The following PUS7L variants were observed in gnomAD, a reference collection of about 807,000 sequenced individuals.
The protein encoded by PUS7L is pseudouridine synthase 7 like.
In PUS7L, 49 loss-of-function variants were observed where a neutral mutation model predicts 51.1. The ratio of observed to expected loss-of-function variants is 0.96; its 90% CI spans 0.76 to 1.22. The LOEUF is 1.22. Ranked by LOEUF, PUS7L falls within the 50% of genes most tolerant of loss-of-function variation. The pLI, the probability that PUS7L is intolerant of heterozygous loss-of-function variation, is 0.00. For synonymous variants in PUS7L, 277 were observed against 276.2 expected, an observed-to-expected ratio of 1.00 and a Z score of -0.03; for missense variants, 828 against 820.6, an observed-to-expected ratio of 1.01 and a Z score of -0.11.
At position 43,728,277 on chromosome 12, in the gene PUS7L, G is replaced by C. The variant is rs1451041552; in HGVS notation, c.*2099C>G. The C allele has an allele frequency of 6.6e-6, 1 of 152,050 alleles. No individual in the cohort carries two copies. Among genetic ancestry groups the C allele is most frequent in the East Asian group, 1.9e-4 (1 of 5,194 alleles). 9.4% of individuals were successfully genotyped at this position (152,050 alleles called of 1,614,324 possible). Reference sequence around the variant, plus strand: ...ATTTTATGGTGATGAAATAAACTTAGTGTTCCTTTATACACTGCTGAAGTA... The same window carrying C: ...ATTTTATGGTGATGAAATAAACTTACTGTTCCTTTATACACTGCTGAAGTA... On this transcript the variant is annotated 3_prime_UTR_variant, in exon 9 of 9. Coordinates refer to ENST00000344862, the MANE Select transcript of PUS7L (RefSeq NM_031292.5).
chr12:43,748,546 A>C lies in PUS7L; in HGVS notation c.974T>G (p.Leu325Arg). 1 of 1,611,412 alleles carries C rather than the reference A, an allele frequency of 6.2e-7. No individual in the cohort carries two copies. Among genetic ancestry groups the C allele is most frequent in the Non-Finnish European group, 8.5e-7 (1 of 1,179,298 alleles). The change falls in exon 3 of 9, where the codon CTT becomes CGT. Residue 325 changes from leucine to arginine, a missense_variant. By Grantham distance (102) the Leu-to-Arg change is moderately radical. Coordinates refer to ENST00000344862, the MANE Select transcript of PUS7L (RefSeq NM_031292.5). ...ACTAAAATCCGAAGGAATAACACCAAGTTTGATAGCTAAAAAACCAATCGC... is the reference window on the plus strand; with the variant it reads ...ACTAAAATCCGAAGGAATAACACCACGTTTGATAGCTAAAAAACCAATCGC... The part of the protein sequence containing the change: ...FEAIGFLAIK[L>R]GVIPSDFSYA...
In PUS7L at chr12:43,754,549, A is replaced by C. The variant is rs1293261368; in HGVS notation, c.697T>G (p.Phe233Val). The C allele has an allele frequency of 6.2e-7, 1 of 1,610,050 alleles. No individual in the cohort carries two copies. Among genetic ancestry groups the C allele is most frequent in the Non-Finnish European group, 8.5e-7 (1 of 1,178,708 alleles). Residue 233 changes from phenylalanine (F) to valine (V), a missense_variant, in exon 2 of 9, where the codon TTT becomes GTT. Phe to Val is a conservative substitution (Grantham distance 50). Coordinates refer to ENST00000344862, the MANE Select transcript of PUS7L (RefSeq NM_031292.5). ...DAKKENSKFTFKPDTNKDHRK... is the reference protein window; with the variant it reads ...DAKKENSKFTVKPDTNKDHRK... ...TGGTCTTTGTTTGTATCAGGTTTAAAGGTAAATTTGGAATTTTCTTTCTTT... is the reference window on the plus strand; with the variant it reads ...TGGTCTTTGTTTGTATCAGGTTTAACGGTAAATTTGGAATTTTCTTTCTTT...
At chr12:43,753,928 A>C (rs1938571130) in intron 2 of PUS7L, among the ~76,000 whole-genome samples, 1 of 152,112 alleles carries the variant, frequency 6.6e-6, no homozygotes, top group South Asian at 2.1e-4. Flanking sequence ...GTATCTCTTC[A>C]CTTTCCCAAG....
chr12:43,749,700 G>A (rs1259859345), intron 2 of PUS7L, among the ~76,000 whole-genome samples: 1 of 152,088 alleles, frequency 6.6e-6, no homozygotes, highest in Non-Finnish European at 1.5e-5. Context: ...TATACACCAT[G>A]AAATACTACA....
chr12:43,755,186 G>C lies in PUS7L; in HGVS notation c.60C>G (p.His20Gln), dbSNP rs201700465. ...RFSSLCFFND[H>Q]VGFHGTIKSS... ...TTTTTATAGTGCCATGAAATCCAAC[G>C]TGATCATTAAAGAAACACAAAGAAC... is the stretch of plus-strand genomic sequence containing the variant. Residue 20 changes from histidine (H) to glutamine (Q), a missense_variant, in exon 2 of 9, where the codon CAC (histidine) becomes CAG (glutamine). Coordinates refer to ENST00000344862, the MANE Select transcript of PUS7L (RefSeq NM_031292.5). 1.6e-5 allele frequency: 26 copies of C among 1,611,088 alleles called. No individual in the cohort carries two copies. The Admixed American group carries it at 4.2e-4, about 26-fold the overall frequency.
chr12:43,731,687 A>G lies in PUS7L; in HGVS notation c.1779+18T>C, dbSNP rs764462286. The G allele has an allele frequency of 2.7e-6, 4 of 1,481,882 alleles. No individual in the cohort carries two copies. The East Asian group carries it at 7.0e-5, about 26-fold the overall frequency. 91.8% of individuals were successfully genotyped at this position (1,481,882 alleles called of 1,614,324 possible). A position where few individuals can be genotyped will look rare whatever the true frequency, so the allele number is the denominator to read the frequency against. On this transcript the variant is annotated intron_variant, in intron 8 of 8. Coordinates refer to ENST00000344862, the MANE Select transcript of PUS7L (RefSeq NM_031292.5). ...CTACACTTAGATCTAAGTGATAGTA[A>G]TTTTTAAGCAAATTTACCTGATGTA...
chr12:43,731,764 T>C lies in PUS7L; in HGVS notation c.1726-6A>G. ...TCTTCAGTTACCAGGTGAATCTAGT[T>C]TTAAAAAACATGAAAATATGAATGA... On this transcript the variant is annotated splice_polypyrimidine_tract_variant and splice_region_variant and intron_variant, in intron 7 of 8. Coordinates refer to ENST00000344862, the MANE Select transcript of PUS7L (RefSeq NM_031292.5). The C allele has an allele frequency of 1.3e-6, 2 of 1,539,196 alleles. No homozygotes were observed. Among genetic ancestry groups the C allele is most frequent in the Non-Finnish European group, 1.8e-6 (2 of 1,119,430 alleles).
At chr12:43,737,238 A>AT (rs1565632692) in intron 6 of PUS7L, among the ~76,000 whole-genome samples, 1 of 152,200 alleles carries the variant, frequency 6.6e-6, no homozygotes, top group African/African-American at 2.4e-5. Flanking sequence ...TTTCTTATGC[A>AT]TATGAATGTT....
At chr12:43,748,631 G>A in intron 2 of PUS7L, 22 bp from the exon 3 acceptor site, 1 of 1,555,164 alleles carries the variant, frequency 6.4e-7, no homozygotes, top group Non-Finnish European at 8.6e-7. Context: ...AAAAAACTTA[G>A]ATCACAAAAA....
At chr12:43,732,638 G>T (rs1944584809) in intron 7 of PUS7L, among the ~76,000 whole-genome samples, 1 of 152,120 alleles carries the variant, frequency 6.6e-6, no homozygotes, top group South Asian at 2.1e-4. Flanking sequence ...CAAACAGAAA[G>T]GCAGCTATTC....
chr12:43,746,936 T>C (rs148529085), intron 3 of PUS7L, among the ~76,000 whole-genome samples: 62 of 152,304 alleles, frequency 4.1e-4, no homozygotes, highest in Non-Finnish European at 7.6e-4. Context: ...AGAGGGGAGC[T>C]TTCATCTTAA....
In PUS7L at chr12:43,754,871, T is replaced by A; in HGVS notation, c.375A>T (p.Leu125Phe). The change falls in exon 2 of 9, where the codon TTA becomes TTT. Residue 125 changes from leucine (L) to phenylalanine (F), a missense_variant. Coordinates refer to ENST00000344862, the MANE Select transcript of PUS7L (RefSeq NM_031292.5). ...TSKCEEKADV[L>F]SSFLDEKTHE... ...GAGTTTTTTCATCCAAAAAGGAGCTTAAAACATCAGCTTTTTCTTCACATT... is the reference window on the plus strand; with the variant it reads ...GAGTTTTTTCATCCAAAAAGGAGCTAAAAACATCAGCTTTTTCTTCACATT... 3.7e-6 allele frequency: 6 copies of A among 1,613,754 alleles called. No homozygotes were observed. The highest frequency in any genetic ancestry group is 5.1e-6 in the Non-Finnish European group (6 of 1,179,848).
At position 43,729,864 on chromosome 12, in the gene PUS7L, A is replaced by G. The variant is rs573023973; in HGVS notation, c.*512T>C. The G allele has an allele frequency of 3.9e-5, 6 of 154,252 alleles. No individual in the cohort carries two copies. The South Asian group carries it at 1.2e-3, about 31-fold the overall frequency. 9.6% of individuals were successfully genotyped at this position (154,252 alleles called of 1,614,324 possible). A position where few individuals can be genotyped will look rare whatever the true frequency, so the allele number is the denominator to read the frequency against. On this transcript the variant is annotated 3_prime_UTR_variant, in exon 9 of 9. Transcript: ENST00000344862. ...AGGTAATAACTACTCTGGGGTATCT[A>G]TCACAAACAGAGGTATGGCATTTCC...
At chr12:43,738,425 G>A (rs1170124361) in intron 5 of PUS7L, 34 bp from the exon 6 acceptor site, 5 of 1,094,170 alleles carry the variant, frequency 4.6e-6, no homozygotes, top group Non-Finnish European at 6.9e-6. Flanking sequence ...ATGTGTTAAT[G>A]AAAATGTCAA....
chr12:43,730,843 G>A (rs1944536833), intron 8 of PUS7L, 141 bp from the exon 9 acceptor site: 1 of 597,316 alleles, frequency 1.7e-6, no homozygotes, highest in Admixed American at 3.0e-5. Flanking sequence ...CCTAAAACAT[G>A]CTTTAAATAA....
At position 43,754,558 on chromosome 12, in the gene PUS7L, T is replaced by A. The variant is rs1488463080; in HGVS notation, c.688A>T (p.Lys230Ter). Reference sequence around the variant, plus strand: ...TTTGTATCAGGTTTAAAGGTAAATTTGGAATTTTCTTTCTTTGCATCCAAA... The same window carrying A: ...TTTGTATCAGGTTTAAAGGTAAATTAGGAATTTTCTTTCTTTGCATCCAAA... ...KYLDAKKENS[K>*]FTFKPDTNKD... Residue 230 changes from lysine (K) to a stop codon, truncating the protein, a stop_gained, in exon 2 of 9, where the codon AAA (lysine) becomes TAA (stop). Coordinates refer to ENST00000344862, the MANE Select transcript of PUS7L (RefSeq NM_031292.5). LOFTEE classifies it high-confidence loss of function. The A allele has an allele frequency of 4.3e-6, 7 of 1,609,406 alleles. No individual in the cohort carries two copies. In the East Asian group the frequency reaches 1.6e-4, roughly 36 times the overall value.
chr12:43,741,165 G>C (rs2137699864), intron 5 of PUS7L: 1 of 152,314 alleles, frequency 6.6e-6, no homozygotes, highest in Middle Eastern at 3.4e-3. Flanking sequence ...TATGAGGTTT[G>C]AAAGAGGTAG....
At chr12:43,744,173 G>A (rs1938051784) in intron 4 of PUS7L, among the ~76,000 whole-genome samples, 1 of 152,098 alleles carries the variant, frequency 6.6e-6, no homozygotes, top group Non-Finnish European at 1.5e-5. Context: ...AACAGTTTTT[G>A]AGGAAAAAAA....
At position 43,736,510 on chromosome 12, in the gene PUS7L, G is replaced by A. The variant is rs149201016; in HGVS notation, c.1596C>T (p.His532=). ...LPHSMRIFYV[H]AYTSKIWNEA... ...CATTCCAAATTTTGCTGGTATATGCGTGAACATAGAATATGCGCATGGAAT... is the reference window on the plus strand; with the variant it reads ...CATTCCAAATTTTGCTGGTATATGCATGAACATAGAATATGCGCATGGAAT... Residue 532 remains histidine (H), a synonymous_variant, in exon 7 of 9, where the codon CAC becomes CAT. Coordinates refer to ENST00000344862, the MANE Select transcript of PUS7L (RefSeq NM_031292.5). 122 of 1,614,158 alleles carry A rather than the reference G, an allele frequency of 7.6e-5. No homozygotes were observed. The East Asian group carries it at 1.9e-3, about 26-fold the overall frequency.
Sources: gnomAD v4.1 joint callset for allele counts (sites outside exome capture counted in the v4.1 genomes callset) on GRCh38, gnomAD v4.1.1 for gene constraint, MANE v1.5 for transcripts, NCBI Gene and HGNC (gene_info 2026-07-23, HGNC 2026-07-21) for gene names.